The following PARD3B variants were observed in gnomAD, a reference collection of about 807,000 sequenced individuals.
The protein encoded by PARD3B is par-3 family cell polarity regulator beta.
Under a neutral mutation model 130.2 loss-of-function variants are expected in PARD3B, and 103 were observed. That is an observed-to-expected ratio of 0.79 (90% confidence interval 0.67 to 0.93). The LOEUF (loss-of-function observed/expected upper bound fraction) is 0.93, where lower values mean the gene tolerates loss of function less well. Among genes scored for constraint, PARD3B ranks in the 40% least tolerant of loss-of-function variants. The pLI is 0.00. For synonymous variants in PARD3B, 583 were observed against 553.2 expected (o/e 1.05, Z -0.76); for missense variants, 1,609 against 1,499.2 (o/e 1.07, Z -1.21).
chr2:205,430,836 A>C (rs1025635242), intron 19 of PARD3B, among the ~76,000 whole-genome samples: 2 of 152,238 alleles, frequency 1.3e-5, no homozygotes, highest in African/African-American at 4.8e-5. Context: ...GCATTTTTAC[A>C]ACCTGATTCA....
chr2:205,173,095 T>C (rs1448227547), intron 12 of PARD3B, among the ~76,000 whole-genome samples: 1 of 152,148 alleles, frequency 6.6e-6, no homozygotes, highest in Non-Finnish European at 1.5e-5. Flanking sequence ...AAAAAGTTAA[T>C]AGTACTGAAA....
intron 18 of PARD3B, among the ~76,000 whole-genome samples, chr2:205,347,430 T>G (rs1265559388): frequency 6.6e-6 from 1 of 152,230 alleles, no homozygotes; most frequent in African/African-American, 2.4e-5. Flanking sequence ...TAAGCTAACC[T>G]TTATATGAAT....
rs2040671545 is a variant in PARD3B at position 205,270,280 on chromosome 2, T to G, written c.2185+24458T>G. Among the ~76,000 whole-genome samples the G allele has an allele frequency of 2.6e-5, 4 of 152,206 alleles. No individual in the cohort carries two copies. The South Asian group carries it at 6.2e-4, about 24-fold the overall frequency. The stretch of plus-strand genomic sequence containing the variant: ...GGCTGCAGATAACAGAAAGCCCTAC[T>G]ATTGGTGGCTGGGCATGGTGGCTCA... On this transcript the variant is annotated intron_variant, in intron 16 of 22. Transcript: ENST00000406610.
chr2:205,374,579 T>A (rs899673005), intron 18 of PARD3B, among the ~76,000 whole-genome samples: 1 of 152,222 alleles, frequency 6.6e-6, no homozygotes, highest in East Asian at 1.9e-4. Context: ...TTATTCTATA[T>A]ATTTTGCCTG....
chr2:205,430,110 T>C (rs936635124), intron 19 of PARD3B, among the ~76,000 whole-genome samples: 2 of 152,196 alleles, frequency 1.3e-5, no homozygotes, highest in African/African-American at 4.8e-5. Flanking sequence ...TGTATCCAAA[T>C]AGGATTGCAT....
At chr2:204,591,233 C>T (rs562199242) in intron 1 of PARD3B, among the ~76,000 whole-genome samples, 1 of 152,226 alleles carries the variant, frequency 6.6e-6, no homozygotes, top group South Asian at 2.1e-4. Flanking sequence ...ATTATGAAGC[C>T]ATCTTTCAGA....
intron 14 of PARD3B, 76 bp from the exon 15 acceptor site, chr2:205,193,128 CA>C (rs56834478): frequency 9.8e-7 from 1 of 1,021,514 alleles, no homozygotes; most frequent in South Asian, 1.4e-5. Context: ...TGGCTGTGTT[CA>C]AAATGAGAAC....
At position 205,600,023 on chromosome 2, in the gene PARD3B, A is replaced by G. The variant is rs986812178; in HGVS notation, c.3261-15433A>G. On this transcript the variant is annotated intron_variant, in intron 22 of 22. Coordinates refer to ENST00000406610, the MANE Select transcript of PARD3B (RefSeq NM_001302769.2). The stretch of plus-strand genomic sequence containing the variant: ...GAATTCAGCTGTCCTTCAGAGTCAC[A>G]TGCACTGATGCTACAGTTCTGCACT... 2.0e-5 allele frequency among the ~76,000 whole-genome samples: 3 copies of G among 152,172 alleles called. No individual in the cohort carries two copies. In the South Asian group the frequency reaches 6.2e-4, roughly 31 times the overall value.
chr2:205,614,274 A>G (rs183343361), intron 22 of PARD3B, among the ~76,000 whole-genome samples: 172 of 152,304 alleles, frequency 1.1e-3, no homozygotes, highest in Admixed American at 0.01. Flanking sequence ...GTTAGTGTCT[A>G]TTCTTACCCT....
At chr2:205,455,138 C>CTGCCACTCAGTATAGTTGTGTGGCTT (rs2048228301) in intron 20 of PARD3B, among the ~76,000 whole-genome samples, 1 of 152,124 alleles carries the variant, frequency 6.6e-6, no homozygotes, top group Admixed American at 6.6e-5. Flanking sequence ...AAACCTGGCT[C>CTGCCACTCAGTATAGTTGTGTGGCTT]TGCCACTCAG....
At chr2:204,605,476 T>C (rs1348668991) in intron 1 of PARD3B, among the ~76,000 whole-genome samples, 1 of 152,208 alleles carries the variant, frequency 6.6e-6, no homozygotes, top group East Asian at 1.9e-4. Context: ...GTTTTATATA[T>C]GGCACAAGTA....
intron 20 of PARD3B, among the ~76,000 whole-genome samples, chr2:205,489,821 A>G (rs2049622075): frequency 6.6e-6 from 1 of 152,056 alleles, no homozygotes; most frequent in Admixed American, 6.6e-5. Context: ...GGTCACTCCT[A>G]AGGTATTTCT....
chr2:204,545,899 C>T lies in PARD3B; in HGVS notation c.-101C>T. On this transcript the variant is annotated 5_prime_UTR_variant, in exon 1 of 23. Coordinates refer to ENST00000406610, the MANE Select transcript of PARD3B (RefSeq NM_001302769.2). ...TGTTCCGGGGAGCGGCGCCCCGGGT[C>T]TCTGGGCCCACCCGCCCCGGGCGTC... 1.5e-6 allele frequency: 2 copies of T among 1,332,798 alleles called. No individual in the cohort carries two copies. The highest frequency in any genetic ancestry group is 9.8e-7 in the Non-Finnish European group (1 of 1,020,972). The allele number at this position is 1,332,798 out of a possible 1,614,324, so 82.6% of individuals were successfully genotyped here. A position where few individuals can be genotyped will look rare whatever the true frequency, so the allele number is the denominator to read the frequency against.
chr2:204,751,120 G>T (rs1235388352), intron 2 of PARD3B, among the ~76,000 whole-genome samples: 3 of 152,028 alleles, frequency 2.0e-5, no homozygotes, highest in Non-Finnish European at 4.4e-5. Context: ...CATAATGAAA[G>T]GAATTGATGC....
intron 15 of PARD3B, among the ~76,000 whole-genome samples, chr2:205,236,785 G>A (rs967276374): frequency 5.3e-5 from 8 of 152,056 alleles, no homozygotes; most frequent in East Asian, 1.9e-4. Context: ...GACACATCAC[G>A]TTACTGACAT....
intron 3 of PARD3B, among the ~76,000 whole-genome samples, chr2:205,042,968 G>A (rs1698497632): frequency 6.6e-6 from 1 of 151,196 alleles, no homozygotes; most frequent in African/African-American, 2.4e-5. Context: ...TGCTTCCAGT[G>A]GCTTTTAAAC....
chr2:205,516,838 G>T (rs573544800), intron 21 of PARD3B, among the ~76,000 whole-genome samples: 4 of 152,176 alleles, frequency 2.6e-5, no homozygotes, highest in African/African-American at 9.6e-5. Flanking sequence ...TTCTTGTCTT[G>T]TGACAGATTT....
chr2:205,141,747 C>G (rs1359777329), intron 10 of PARD3B, among the ~76,000 whole-genome samples: 1 of 152,134 alleles, frequency 6.6e-6, no homozygotes, highest in Non-Finnish European at 1.5e-5. Context: ...ATCTAATGTT[C>G]CAAAATACCA....
chr2:205,597,896 T>C (rs1403581691), intron 22 of PARD3B, among the ~76,000 whole-genome samples: 3 of 152,084 alleles, frequency 2.0e-5, no homozygotes, highest in Admixed American at 6.6e-5. Context: ...TTCTAACTGA[T>C]GGAGAAATAA....
Sources: gnomAD v4.1 joint callset for allele counts (sites outside exome capture counted in the v4.1 genomes callset) on GRCh38, gnomAD v4.1.1 for gene constraint, MANE v1.5 for transcripts, NCBI Gene and HGNC (gene_info 2026-07-23, HGNC 2026-07-21) for gene names.